Variants in UMOD observed in about 807,000 individuals in gnomAD.
UMOD encodes Tamm-Horsfall urinary glycoprotein.
In UMOD, 64 loss-of-function variants were observed where a neutral mutation model predicts 66.0. The ratio of observed to expected loss-of-function variants is 0.97; its 90% CI spans 0.79 to 1.19. The LOEUF is 1.19. Among genes scored for constraint, UMOD ranks in the 50% most tolerant of loss-of-function variants. The probability of loss-of-function intolerance (pLI) is 0.00; values close to 1 mark genes in which losing one functional copy is unlikely to be tolerated. For missense variants in UMOD, 764 were observed against 850.9 expected (o/e 0.90, Z 1.27); for synonymous variants, 398 against 352.7 (o/e 1.13, Z -1.44).
At position 20,344,785 on chromosome 16, in the gene UMOD, C is replaced by T. The variant is rs112396745; in HGVS notation, c.1183-613G>A. On this transcript the variant is annotated intron_variant, in intron 5 of 10. Transcript: ENST00000396138. The stretch of plus-strand genomic sequence containing the variant: ...CCCTCCTGAGTCATAGCATTAGTTC[C>T]TTCAGTGACCCTAACAAGTGGCGCT... Among the ~76,000 whole-genome samples the T allele has an allele frequency of 7.6e-3, 1,162 of 152,278 alleles. 16 individuals carry two copies. The highest frequency in any genetic ancestry group is 0.025 in the African/African-American group (1,039 of 41,548).
chr16:20,346,734 C>A (rs1316772368), intron 4 of UMOD, among the ~76,000 whole-genome samples: 1 of 152,138 alleles, frequency 6.6e-6, no homozygotes, highest in Non-Finnish European at 1.5e-5. Context: ...AGGTCAATTT[C>A]CTTGTCTATA....
At chr16:20,354,354 C>T (rs1243081801), upstream of UMOD, among the ~76,000 whole-genome samples, 1 of 152,198 alleles carries the variant, frequency 6.6e-6, no homozygotes, top group Non-Finnish European at 1.5e-5. Flanking sequence ...TCTTCCCAAA[C>T]AGCACCCCAG....
intron 1 of UMOD, 187 bp downstream of exon 1, chr16:20,352,502 A>G: frequency 2.5e-6 from 1 of 407,092 alleles, no homozygotes; most frequent in East Asian, 3.6e-5. Context: ...AGTCATTGTT[A>G]CTAGGACAGA....
intron 1 of UMOD, 46 bp downstream of exon 1, chr16:20,352,643 A>G: frequency 2.5e-6 from 3 of 1,224,286 alleles, no homozygotes; most frequent in Non-Finnish European, 2.0e-6. Flanking sequence ...CTCAAATAGG[A>G]TGGGGAGAAG....
chr16:20,345,827 C>T (rs1965551517), intron 5 of UMOD, among the ~76,000 whole-genome samples: 1 of 152,140 alleles, frequency 6.6e-6, no homozygotes, highest in African/African-American at 2.4e-5. Flanking sequence ...TATGGCCCTA[C>T]TTTTCCCATC....
At chr16:20,339,932 C>A (rs1345627934) in intron 7 of UMOD, among the ~76,000 whole-genome samples, 2 of 152,096 alleles carry the variant, frequency 1.3e-5, no homozygotes, top group African/African-American at 4.8e-5. Context: ...TCATCTAGTG[C>A]CTCTTGAGTA....
At chr16:20,353,340 A>C (rs1226513425), upstream of UMOD, among the ~76,000 whole-genome samples, 5 of 152,186 alleles carry the variant, frequency 3.3e-5, no homozygotes, top group Admixed American at 3.3e-4. Flanking sequence ...TTTGGAGGCG[A>C]AATAAATTTG....
intron 10 of UMOD, 57 bp downstream of exon 10, chr16:20,335,425 G>A: frequency 6.4e-7 from 1 of 1,564,280 alleles, no homozygotes; most frequent in South Asian, 1.1e-5. Context: ...TTAACAGATA[G>A]AAGCCCCCCA....
At position 20,348,125 on chromosome 16, in the gene UMOD, C is replaced by T. The variant is rs1965684314; in HGVS notation, c.973+98G>A. ...CAGGTTGGATATATATCCCCTGCGT[C>T]ATACCCATATGGCCCCAATCTCACA... On this transcript the variant is annotated intron_variant, in intron 4 of 10. Coordinates refer to ENST00000396138, the MANE Select transcript of UMOD (RefSeq NM_003361.4). The T allele has an allele frequency of 1.9e-5, 20 of 1,075,448 alleles. No homozygotes were observed. In the South Asian group the frequency reaches 2.5e-4, roughly 13 times the overall value. 66.6% of individuals were successfully genotyped at this position (1,075,448 alleles called of 1,614,324 possible).
intron 6 of UMOD, 83 bp from the exon 7 acceptor site, chr16:20,341,419 C>T (rs1484192939): frequency 6.3e-7 from 1 of 1,591,664 alleles, no homozygotes. Flanking sequence ...CATTCCTAGG[C>T]AGTCCCTTGC....
intron 5 of UMOD, 90 bp downstream of exon 5, chr16:20,346,036 C>T (rs1965561736): frequency 7.8e-7 from 1 of 1,285,406 alleles, no homozygotes; most frequent in Middle Eastern, 2.6e-4. Context: ...GGCTAAATAA[C>T]TCCCCAAAGC....
intron 5 of UMOD, 35 bp from the exon 6 acceptor site, chr16:20,344,207 G>GGGGGGGGGGGGC: frequency 7.3e-7 from 1 of 1,360,792 alleles, no homozygotes. Context: ...GGGGGGTGGG[G>GGGGGGGGGGGGC]ATGAGAGAAA....
At chr16:20,339,696 C>T (rs936532654) in intron 7 of UMOD, among the ~76,000 whole-genome samples, 1 of 152,226 alleles carries the variant, frequency 6.6e-6, no homozygotes, top group African/African-American at 2.4e-5. Context: ...CTTTCTTCTC[C>T]TGCTTTGTTT....
At chr16:20,342,550 T>A (rs561690630) in intron 6 of UMOD, 1 of 152,252 alleles carries the variant, frequency 6.6e-6, no homozygotes, top group East Asian at 1.9e-4. Flanking sequence ...CTTTCCTGAG[T>A]CTGGCTGGCC....
intron 2 of UMOD, among the ~76,000 whole-genome samples, chr16:20,350,324 C>A (rs143321062): frequency 6.6e-6 from 1 of 152,260 alleles, no homozygotes; most frequent in South Asian, 2.1e-4. Flanking sequence ...AAAGGGCCTG[C>A]AGGCCTTAGA....
At chr16:20,355,028 C>A (rs1966009931), upstream of UMOD, among the ~76,000 whole-genome samples, 3 of 152,302 alleles carry the variant, frequency 2.0e-5, no homozygotes, top group African/African-American at 7.2e-5. Flanking sequence ...AATCCTAAAT[C>A]TGCTTACCTT....
Position 20,341,080 on chromosome 16 carries a change from C to A in UMOD, c.1577+11G>T, listed in dbSNP as rs184055420. 10 of 1,613,102 alleles carry A rather than the reference C, an allele frequency of 6.2e-6. No homozygotes were observed. The highest frequency in any genetic ancestry group is 1.1e-5 in the South Asian group (1 of 90,838). On this transcript the variant is annotated intron_variant, in intron 7 of 10. Coordinates refer to ENST00000396138, the MANE Select transcript of UMOD (RefSeq NM_003361.4). ...TACCCATGAGTTCCCATGTAGGAAC[C>A]TTTGCCTTACCTGTCCTGGATGATG...
chr16:20,335,541 A>G (rs1190088286), intron 9 of UMOD, 21 bp from the exon 10 acceptor site: 1 of 1,613,452 alleles, frequency 6.2e-7, no homozygotes, highest in East Asian at 2.2e-5. Flanking sequence ...AAACAGAAGG[A>G]TCAGTGAATA....
At chr16:20,350,012 T>A in intron 2 of UMOD, 1 of 839,030 alleles carries the variant, frequency 1.2e-6, no homozygotes, top group Non-Finnish European at 1.7e-6. Context: ...CAGTTTTTTA[T>A]GTATCCTTAT....
Sources: gnomAD v4.1 joint callset for allele counts (sites outside exome capture counted in the v4.1 genomes callset) on GRCh38, gnomAD v4.1.1 for gene constraint, MANE v1.5 for transcripts, NCBI Gene and HGNC (gene_info 2026-07-23, HGNC 2026-07-21) for gene names.